The following TCF4 variants were observed in gnomAD, a reference collection of about 807,000 sequenced individuals.
TCF4 encodes transcription factor 4, also known as SL3-3 enhancer factor 2.
Under a neutral mutation model 82.1 loss-of-function variants are expected in TCF4, and 3 were observed. That is an observed-to-expected ratio of 0.04 (90% CI 0.02 to 0.09). The LOEUF (loss-of-function observed/expected upper bound fraction) is 0.09. Ranked by LOEUF, TCF4 falls within the 10% of genes least tolerant of loss-of-function variation. The probability of loss-of-function intolerance (pLI) is 1.00; values close to 1 mark genes in which losing one functional copy is unlikely to be tolerated. For synonymous variants in TCF4, 276 were observed against 309.6 expected (o/e 0.89, Z 1.14); for missense variants, 518 against 852.7 (o/e 0.61, Z 4.89).
At chr18:55,530,080 G>A (rs2097042145) in intron 3 of TCF4, among the ~76,000 whole-genome samples, 1 of 152,164 alleles carries the variant, frequency 6.6e-6, no homozygotes. Context: ...ACTGATTAGG[G>A]CAAAATAACC....
chr18:55,290,560 G>T (rs1294413002), intron 8 of TCF4, among the ~76,000 whole-genome samples: 1 of 152,104 alleles, frequency 6.6e-6, no homozygotes, highest in Admixed American at 6.6e-5. Context: ...TTACAAGAAG[G>T]GAAAGCAGTA....
intron 12 of TCF4, among the ~76,000 whole-genome samples, chr18:55,260,763 T>C (rs1467074851): frequency 2.6e-5 from 4 of 152,180 alleles, no homozygotes; most frequent in African/African-American, 9.7e-5. Context: ...CTTCACCGTG[T>C]TGGCCAGGCT....
intron 3 of TCF4, among the ~76,000 whole-genome samples, chr18:55,554,247 T>C (rs191132356): frequency 7.2e-5 from 11 of 152,236 alleles, no homozygotes; most frequent in Admixed American, 5.9e-4. Context: ...TTTAGAAATG[T>C]ATTTTCTCTT....
chr18:55,474,111 T>C (rs1451690235), intron 3 of TCF4, among the ~76,000 whole-genome samples: 13 of 152,186 alleles, frequency 8.5e-5, no homozygotes, highest in Admixed American at 5.2e-4. Context: ...TTTACAGTTG[T>C]ATAAATCTAC....
At chr18:55,424,028 G>A (rs1260438364) in intron 5 of TCF4, among the ~76,000 whole-genome samples, 4 of 152,008 alleles carry the variant, frequency 2.6e-5, no homozygotes, top group South Asian at 4.2e-4. Flanking sequence ...CATCAGAATC[G>A]CTTTTCTAAC....
intron 8 of TCF4, among the ~76,000 whole-genome samples, chr18:55,349,620 G>A (rs936187093): frequency 2.0e-5 from 3 of 151,990 alleles, no homozygotes; most frequent in Admixed American, 6.6e-5. Context: ...TTTATATGAG[G>A]AGAAAATTAC....
chr18:55,227,672 A>C lies in TCF4; in HGVS notation c.*363T>G, dbSNP rs572452777. ...TATTTTTTTTTCAGACTTACAAATT[A>C]ATTATATTTTTTTTTTCCAAAAGAA... On this transcript the variant is annotated 3_prime_UTR_variant, in exon 20 of 20. Coordinates refer to ENST00000354452, the MANE Select transcript of TCF4 (RefSeq NM_001083962.2). The C allele has an allele frequency of 2.0e-5, 3 of 152,190 alleles. No homozygotes were observed. In the South Asian group the frequency reaches 6.2e-4, roughly 32 times the overall value. The allele number at this position is 152,190 out of a possible 1,614,324, so 9.4% of individuals were successfully genotyped here.
intron 2 of TCF4, among the ~76,000 whole-genome samples, chr18:55,609,354 A>G (rs1471077870): frequency 6.6e-6 from 1 of 152,140 alleles, no homozygotes; most frequent in Non-Finnish European, 1.5e-5. Context: ...TCCTTGAGGC[A>G]ATAGTCTAGG....
intron 3 of TCF4, among the ~76,000 whole-genome samples, chr18:55,530,474 G>A (rs1320917642): frequency 7.2e-6 from 1 of 139,052 alleles, no homozygotes; most frequent in Non-Finnish European, 1.5e-5. Flanking sequence ...CAGAGAGAGT[G>A]AAGAAGAGGC....
At chr18:55,362,830 G>T (rs1202209265) in intron 6 of TCF4, among the ~76,000 whole-genome samples, 1 of 152,054 alleles carries the variant, frequency 6.6e-6, no homozygotes, top group African/African-American at 2.4e-5. Flanking sequence ...AATATATTTA[G>T]ATATTCAGCA....
At chr18:55,392,549 G>A (rs917117494) in intron 6 of TCF4, among the ~76,000 whole-genome samples, 4 of 150,644 alleles carry the variant, frequency 2.7e-5, no homozygotes, top group Admixed American at 2.6e-4. Flanking sequence ...ATTTATCCGT[G>A]ACTTGATCCT....
Position 55,585,286 on chromosome 18 carries a change from C to T in TCF4, c.139G>A (p.Gly47Ser). ...PTSLASGHFT[G>S]SNVEDRSSSG... is the part of the protein sequence containing the mutation. ...AAGAAAAGAATTTACATACTTGAGC[C>T]AGTAAAATGTCCACTTGCCAAAGAA... The change falls in exon 3 of 20, where the codon GGC (glycine) becomes AGC (serine). Residue 47 changes from glycine to serine, a missense_variant. Physicochemically the swap from Gly to Ser is moderately conservative, Grantham distance 56. This residue lies in a region of TCF4 where 80 missense variants were observed against 93.8 expected (regional missense o/e 0.85). Transcript: ENST00000354452. 1 of 1,613,750 alleles carries T rather than the reference C, an allele frequency of 6.2e-7. No homozygotes were observed. The highest frequency in any genetic ancestry group is 8.5e-7 in the Non-Finnish European group (1 of 1,179,708).
intron 8 of TCF4, among the ~76,000 whole-genome samples, chr18:55,311,378 C>G (rs1047333502): frequency 6.6e-6 from 1 of 152,140 alleles, no homozygotes. Flanking sequence ...TAGTAGCATC[C>G]CTGGCCTCCA....
intron 3 of TCF4, among the ~76,000 whole-genome samples, chr18:55,488,384 G>C (rs1344346925): frequency 6.6e-6 from 1 of 152,080 alleles, no homozygotes; most frequent in East Asian, 1.9e-4. Context: ...AAACAGGAGT[G>C]AAATTGGTTT....
intron 2 of TCF4, among the ~76,000 whole-genome samples, chr18:55,603,988 C>T (rs1030961138): frequency 6.6e-6 from 1 of 152,144 alleles, no homozygotes; most frequent in African/African-American, 2.4e-5. Flanking sequence ...CTTTGGAGCT[C>T]CCTACTTGAC....
chr18:55,411,035 G>A (rs571483733), intron 5 of TCF4, among the ~76,000 whole-genome samples: 3 of 152,146 alleles, frequency 2.0e-5, no homozygotes, highest in South Asian at 2.1e-4. Context: ...TTGATTTTCC[G>A]AACGCAGGAA....
At chr18:55,288,315 T>A (rs1601523631) in intron 8 of TCF4, among the ~76,000 whole-genome samples, 1 of 152,302 alleles carries the variant, frequency 6.6e-6, no homozygotes, top group East Asian at 1.9e-4. Flanking sequence ...ACCTATCAGC[T>A]CTATTGCAGC....
In TCF4 at chr18:55,510,773, G is replaced by T. The variant is rs1047799470; in HGVS notation, c.146-46636C>A. 10 of 1,257,142 alleles carry T rather than the reference G, an allele frequency of 8.0e-6. No individual in the cohort carries two copies. In the African/African-American group the frequency reaches 1.5e-4, roughly 19 times the overall value. The allele number at this position is 1,257,142 out of a possible 1,614,324, so 77.9% of individuals were successfully genotyped here. The stretch of plus-strand genomic sequence containing the variant: ...TGGAAACAGAACATGAGTTAATGAT[G>T]ACCGTAGATTTTAATTTATTTGTAT... On this transcript the variant is annotated intron_variant, in intron 3 of 19. Coordinates refer to ENST00000354452, the MANE Select transcript of TCF4 (RefSeq NM_001083962.2).
chr18:55,495,018 A>C (rs1026057878), intron 3 of TCF4, among the ~76,000 whole-genome samples: 2 of 151,682 alleles, frequency 1.3e-5, no homozygotes, highest in African/African-American at 4.8e-5. Context: ...AAGAAGTGGG[A>C]GTCTTTACTC....
Sources: gnomAD v4.1 joint callset for allele counts (sites outside exome capture counted in the v4.1 genomes callset) on GRCh38, gnomAD v4.1.1 for gene constraint, gnomAD v4.1.1 regional missense constraint, MANE v1.5 for transcripts, NCBI Gene and HGNC (gene_info 2026-07-23, HGNC 2026-07-21) for gene names.